The following TAFA5 variants were observed in gnomAD, a reference collection of about 807,000 sequenced individuals.
The protein encoded by TAFA5 is chemokine-like protein TAFA-5.
A neutral mutation model predicts 15.3 loss-of-function variants in TAFA5; 6 were observed. The observed-to-expected ratio is 0.39, with a 90% CI of 0.21 to 0.77. The LOEUF (loss-of-function observed/expected upper bound fraction) is 0.77, where lower values mean the gene tolerates loss of function less well. Ranked by LOEUF, TAFA5 falls within the 30% of genes least tolerant of loss-of-function variation. The pLI, the probability that TAFA5 is intolerant of heterozygous loss-of-function variation, is 0.41. For synonymous variants in TAFA5, 103 were observed against 80.7 expected, an observed-to-expected ratio of 1.28 and a Z score of -1.48; for missense variants, 161 against 193.1, an observed-to-expected ratio of 0.83 and a Z score of 0.98.
chr22:48,498,369 C>A (rs528444783), intron 1 of TAFA5, among the ~76,000 whole-genome samples: 74 of 152,114 alleles, frequency 4.9e-4, no homozygotes, highest in African/African-American at 1.6e-3. Context: ...GGCTGCTGTC[C>A]TCTTGCAAAC....
chr22:48,695,480 A>G (rs1253807403), intron 2 of TAFA5, among the ~76,000 whole-genome samples: 1 of 152,240 alleles, frequency 6.6e-6, no homozygotes, highest in Non-Finnish European at 1.5e-5. Flanking sequence ...GTTTATTGCC[A>G]AGGGAAGCCT....
intron 2 of TAFA5, among the ~76,000 whole-genome samples, chr22:48,666,560 G>GGCGA (rs1471365393): frequency 3.3e-4 from 17 of 51,172 alleles, no homozygotes; most frequent in South Asian, 2.0e-3. Flanking sequence ...TGACCAGTCA[G>GGCGA]TACGGAGGCC....
At chr22:48,557,455 C>A (rs1053945992) in intron 1 of TAFA5, among the ~76,000 whole-genome samples, 3 of 152,164 alleles carry the variant, frequency 2.0e-5, no homozygotes, top group African/African-American at 7.2e-5. Flanking sequence ...CTGCCCTGAG[C>A]GATGCTGGGG....
intron 1 of TAFA5, among the ~76,000 whole-genome samples, chr22:48,532,612 C>T (rs148860445): frequency 6.6e-6 from 1 of 152,344 alleles, no homozygotes; most frequent in African/African-American, 2.4e-5. Context: ...CGTCCAGCAT[C>T]TGCCCTGCTG....
chr22:48,683,598 C>G (rs1461006615), intron 2 of TAFA5, among the ~76,000 whole-genome samples: 2 of 152,244 alleles, frequency 1.3e-5, no homozygotes, highest in Non-Finnish European at 2.9e-5. Context: ...GGAACAGCCT[C>G]CCACTGCCAG....
At chr22:48,690,678 G>A (rs1023821327) in intron 2 of TAFA5, among the ~76,000 whole-genome samples, 1 of 152,244 alleles carries the variant, frequency 6.6e-6, no homozygotes, top group Non-Finnish European at 1.5e-5. Context: ...CCTCTCTGTA[G>A]TGTAGCATCT....
intron 1 of TAFA5, among the ~76,000 whole-genome samples, chr22:48,609,220 C>A (rs560970647): frequency 6.6e-6 from 1 of 152,166 alleles, no homozygotes; most frequent in Admixed American, 6.5e-5. Context: ...TCAGCAGGTT[C>A]CTGGGTGAGG....
At chr22:48,588,034 G>C (rs1039813329) in intron 1 of TAFA5, among the ~76,000 whole-genome samples, 1 of 152,216 alleles carries the variant, frequency 6.6e-6, no homozygotes. Context: ...CAGGTGCCAG[G>C]AGCCCCCTTG....
intron 1 of TAFA5, among the ~76,000 whole-genome samples, chr22:48,617,315 G>A (rs1045655270): frequency 6.6e-6 from 1 of 151,246 alleles, no homozygotes; most frequent in African/African-American, 2.4e-5. Context: ...GCGGCCTCTG[G>A]AATCTGGAAA....
intron 1 of TAFA5, among the ~76,000 whole-genome samples, chr22:48,521,654 C>T (rs779985930): frequency 3.3e-5 from 5 of 152,106 alleles, no homozygotes; most frequent in Non-Finnish European, 7.4e-5. Context: ...GCCAGCCGCA[C>T]GGGAGACGGA....
intron 1 of TAFA5, among the ~76,000 whole-genome samples, chr22:48,603,538 G>C (rs1044343469): frequency 6.6e-6 from 1 of 152,206 alleles, no homozygotes; most frequent in Admixed American, 6.5e-5. Flanking sequence ...ACAGGGCCCA[G>C]GGGATGGCTC....
chr22:48,730,515 C>T lies in TAFA5; in HGVS notation c.391-19324C>T, dbSNP rs531141193. Among the ~76,000 whole-genome samples, 12 of 152,300 alleles carry T rather than the reference C, an allele frequency of 7.9e-5. No homozygotes were observed. The East Asian group carries it at 1.7e-3, about 22-fold the overall frequency. ...CTTTATTGCACTTTGCAAATATTGC[C>T]GTTTTCACAAATTGAAGGTTTGTGG... is the stretch of plus-strand genomic sequence containing the variant. On this transcript the variant is annotated intron_variant, in intron 3 of 3. Coordinates refer to ENST00000402357, the MANE Select transcript of TAFA5 (RefSeq NM_001082967.3).
chr22:48,575,759 C>A (rs1248945650), intron 1 of TAFA5, among the ~76,000 whole-genome samples: 4 of 144,956 alleles, frequency 2.8e-5, no homozygotes, highest in Non-Finnish European at 6.1e-5. Flanking sequence ...AGCCCCGGGC[C>A]GCGCAAGTTC....
At chr22:48,741,681 T>C (rs1930184548) in intron 3 of TAFA5, among the ~76,000 whole-genome samples, 2 of 151,940 alleles carry the variant, frequency 1.3e-5, no homozygotes, top group African/African-American at 4.9e-5. Context: ...GCTGAGCCTG[T>C]GCAGACTCAG....
chr22:48,635,491 G>T (rs944711700), intron 1 of TAFA5, among the ~76,000 whole-genome samples: 1 of 152,220 alleles, frequency 6.6e-6, no homozygotes, highest in East Asian at 1.9e-4. Context: ...CTCCTCCTCC[G>T]TGAGGGTGTC....
At chr22:48,583,672 G>GTCTCACACAAAATATACACAC (rs2147149496) in intron 1 of TAFA5, among the ~76,000 whole-genome samples, 1 of 6,238 alleles carries the variant, frequency 1.6e-4, no homozygotes, top group South Asian at 4.3e-3. Flanking sequence ...CCACACACAT[G>GTCTCACACAAAATATACACAC]CCTCACATCA....
chr22:48,542,194 ATGTG>A (rs753045478), intron 1 of TAFA5, among the ~76,000 whole-genome samples: 2 of 101,648 alleles, frequency 2.0e-5, no homozygotes, highest in African/African-American at 4.1e-5. Flanking sequence ...TGTCGTGTGT[ATGTG>A]TGTGTGATGT....
chr22:48,546,899 C>G (rs866080883), intron 1 of TAFA5: 1 of 211,802 alleles, frequency 4.7e-6, no homozygotes, highest in Non-Finnish European at 9.8e-6. Flanking sequence ...GTCTTGACTC[C>G]GTTCAGCAAG....
intron 1 of TAFA5, among the ~76,000 whole-genome samples, chr22:48,542,490 TG>T (rs1922460757): frequency 4.4e-5 from 3 of 68,580 alleles, no homozygotes; most frequent in Admixed American, 1.6e-4. Flanking sequence ...GGTGTGTGTG[TG>T]GTGTGTGTGC....
Sources: gnomAD v4.1 joint callset for allele counts (sites outside exome capture counted in the v4.1 genomes callset) on GRCh38, gnomAD v4.1.1 for gene constraint, MANE v1.5 for transcripts, NCBI Gene and HGNC (gene_info 2026-07-23, HGNC 2026-07-21) for gene names.